The following ITGB6 variants were observed in gnomAD, a reference collection of about 807,000 sequenced individuals.
The protein encoded by ITGB6 is integrin beta-6.
ITGB6 carries 80 observed loss-of-function variants against 84.5 expected under a neutral mutation model. The ratio of observed to expected loss-of-function variants is 0.95; its 90% confidence interval spans 0.79 to 1.14. ITGB6 has a LOEUF of 1.14. Among genes scored for constraint, ITGB6 ranks in the 50% most tolerant of loss-of-function variants. The pLI is 0.00. For synonymous variants in ITGB6, 383 were observed against 354.9 expected, an observed-to-expected ratio of 1.08 and a Z score of -0.89; for missense variants, 1,006 against 968.0, an observed-to-expected ratio of 1.04 and a Z score of -0.52.
chr2:160,123,383 T>C (rs1239181415), intron 12 of ITGB6, among the ~76,000 whole-genome samples: 1 of 152,076 alleles, frequency 6.6e-6, no homozygotes, highest in Non-Finnish European at 1.5e-5. Flanking sequence ...TGGAACACTG[T>C]TTTACAGTTG....
At chr2:160,119,724 C>G (rs1243200379) in intron 12 of ITGB6, among the ~76,000 whole-genome samples, 1 of 152,078 alleles carries the variant, frequency 6.6e-6, no homozygotes, top group Non-Finnish European at 1.5e-5. Context: ...TCAGAATGAA[C>G]AGGCAACCTA....
intron 7 of ITGB6, among the ~76,000 whole-genome samples, chr2:160,167,321 G>A (rs1309048402): frequency 1.3e-5 from 2 of 152,326 alleles, no homozygotes; most frequent in Non-Finnish European, 1.5e-5. Context: ...CTTCAAGGAT[G>A]TGCATTGTTG....
intron 7 of ITGB6, among the ~76,000 whole-genome samples, chr2:160,168,347 CAAGTT>C (rs1417600957): frequency 2.6e-5 from 4 of 152,132 alleles, no homozygotes; most frequent in Non-Finnish European, 5.9e-5. Context: ...AGTCACCAAG[CAAGTT>C]AAGAGGTCCT....
Position 160,200,009 on chromosome 2 carries a change from C to G in ITGB6, c.55G>C (p.Val19Leu). 1.2e-6 allele frequency: 2 copies of G among 1,612,802 alleles called. No individual in the cohort carries two copies. The highest frequency in any genetic ancestry group is 1.7e-6 in the Non-Finnish European group (2 of 1,178,912). The change falls in exon 1 of 15, where the codon GTA (valine) becomes CTA (leucine). Residue 19 changes from valine to leucine, a missense_variant. Coordinates refer to ENST00000283249, the MANE Select transcript of ITGB6 (RefSeq NM_000888.5). ...CAGAGAACGCAGGTCTTACCTTGTACGTGATCATTCCTTCCTAGAAATAGA... is the reference window on the plus strand; with the variant it reads ...CAGAGAACGCAGGTCTTACCTTGTAGGTGATCATTCCTTCCTAGAAATAGA... The part of the protein sequence containing the change: ...FFLFLGRNDH[V>L]QGGCALGGAE...
intron 5 of ITGB6, 38 bp downstream of exon 5, chr2:160,173,936 T>A: frequency 6.5e-7 from 1 of 1,548,962 alleles, no homozygotes; most frequent in Non-Finnish European, 8.7e-7. Flanking sequence ...AGATGAATTT[T>A]ATGTTAACAG....
At position 160,172,655 on chromosome 2, in the gene ITGB6, C is replaced by A; in HGVS notation, c.835G>T (p.Asp279Tyr). Residue 279 changes from aspartate to tyrosine, a missense_variant, in exon 6 of 15, where the codon GAC becomes TAC. Asp to Tyr is a radical substitution (Grantham distance 160). Transcript: ENST00000283249. Reference protein sequence around the residue: ...VSDADSHFGMDSKLAGIVIPN... With the variant: ...VSDADSHFGMYSKLAGIVIPN... ...ATGACGATGCCTGCTAGTTTGCTGT[C>A]CATTCCAAAATGAGAATCAGCATCA... is the stretch of plus-strand genomic sequence containing the variant. The A allele has an allele frequency of 6.2e-7, 1 of 1,611,886 alleles. No individual in the cohort carries two copies.
At chr2:160,162,243 A>G (rs905966785) in intron 7 of ITGB6, among the ~76,000 whole-genome samples, 1 of 152,204 alleles carries the variant, frequency 6.6e-6, no homozygotes, top group Non-Finnish European at 1.5e-5. Context: ...AAGAAAATAT[A>G]ATAAAAAACC....
intron 4 of ITGB6, among the ~76,000 whole-genome samples, chr2:160,188,892 T>G (rs1686021588): frequency 1.3e-5 from 2 of 151,978 alleles, no homozygotes; most frequent in Admixed American, 6.6e-5. Flanking sequence ...GCGTGAGCCA[T>G]CACACCTGGC....
At chr2:160,135,964 T>C (rs1299785204) in intron 10 of ITGB6, among the ~76,000 whole-genome samples, 2 of 152,194 alleles carry the variant, frequency 1.3e-5, no homozygotes, top group Non-Finnish European at 2.9e-5. Context: ...GAAGAAAACC[T>C]AGGCAATGCC....
At chr2:160,163,464 T>A (rs1684892274) in intron 7 of ITGB6, among the ~76,000 whole-genome samples, 1 of 152,116 alleles carries the variant, frequency 6.6e-6, no homozygotes, top group Non-Finnish European at 1.5e-5. Context: ...AAACCCCGTC[T>A]CTACTAAAAA....
chr2:160,157,967 C>G (rs1318254296), intron 7 of ITGB6, among the ~76,000 whole-genome samples: 1 of 152,082 alleles, frequency 6.6e-6, no homozygotes, highest in Non-Finnish European at 1.5e-5. Context: ...CTGGTTCTCA[C>G]GTTCATTATC....
chr2:160,146,878 A>C (rs1360379061), intron 7 of ITGB6, among the ~76,000 whole-genome samples: 1 of 152,164 alleles, frequency 6.6e-6, no homozygotes, highest in Non-Finnish European at 1.5e-5. Flanking sequence ...AGGTGGGTAT[A>C]TCACTCAAGT....
intron 4 of ITGB6, among the ~76,000 whole-genome samples, chr2:160,176,794 G>A (rs1382352127): frequency 6.6e-6 from 1 of 152,018 alleles, no homozygotes; most frequent in Non-Finnish European, 1.5e-5. Context: ...AAGAAAATTG[G>A]GGTTTTATAT....
chr2:160,187,830 A>G (rs1233592476), intron 4 of ITGB6, among the ~76,000 whole-genome samples: 2 of 152,182 alleles, frequency 1.3e-5, no homozygotes, highest in Non-Finnish European at 2.9e-5. Flanking sequence ...ACTTTCTAGT[A>G]TGATGATTAT....
chr2:160,107,016 T>C (rs1016850510), intron 14 of ITGB6, among the ~76,000 whole-genome samples: 2 of 152,212 alleles, frequency 1.3e-5, no homozygotes, highest in East Asian at 1.9e-4. Flanking sequence ...ATCTCTCCTG[T>C]GGAAAAGAAA....
At position 160,200,270 on chromosome 2, in the gene ITGB6, A is replaced by C. The variant is rs1686506360; in HGVS notation, c.-207T>G. The stretch of plus-strand genomic sequence containing the variant: ...AAACAGAGGCTACCTGGACAGGTAA[A>C]GCAGAAAAGCTGTGTTTAAAAGCAA... On this transcript the variant is annotated 5_prime_UTR_variant, in exon 1 of 15. Coordinates refer to ENST00000283249, the MANE Select transcript of ITGB6 (RefSeq NM_000888.5). The C allele has an allele frequency of 2.0e-6, 1 of 505,710 alleles. No individual in the cohort carries two copies. The highest frequency in any genetic ancestry group is 2.0e-5 in the African/African-American group (1 of 50,360). The allele number at this position is 505,710 out of a possible 1,614,324, so 31.3% of individuals were successfully genotyped here.
rs191623310 is a variant in ITGB6, at chr2:160,131,565, A to C, written c.1661-4964T>G. 1.6e-3 allele frequency among the ~76,000 whole-genome samples: 244 copies of C among 152,308 alleles called. 2 individuals are homozygous for C. The highest frequency in any genetic ancestry group is 5.6e-3 in the African/African-American group (233 of 41,572). On this transcript the variant is annotated intron_variant, in intron 10 of 14. Transcript: ENST00000283249. ...GCACTAAGCACAATGCCAGGCACAT[A>C]GTAGGTACTCCATGACCATTTGTTA...
At chr2:160,198,883 C>G (rs1038706554) in intron 2 of ITGB6, among the ~76,000 whole-genome samples, 14 of 152,188 alleles carry the variant, frequency 9.2e-5, no homozygotes, top group Admixed American at 1.3e-4. Context: ...CCATATTTTA[C>G]ATGTAACCTG....
intron 11 of ITGB6, 54 bp downstream of exon 11, chr2:160,126,324 GT>G: frequency 6.6e-7 from 1 of 1,520,360 alleles, no homozygotes; most frequent in Non-Finnish European, 9.1e-7. Context: ...GCCACTGTAA[GT>G]TTGATCACTA....
Sources: allele counts gnomAD v4.1 joint callset (sites outside exome capture counted in the v4.1 genomes callset), GRCh38; gene constraint gnomAD v4.1.1; transcripts MANE v1.5; gene names NCBI Gene and HGNC (gene_info 2026-07-23, HGNC 2026-07-21).